Variants in NECAB2 observed in about 807,000 individuals in gnomAD.
The protein encoded by NECAB2 is N-terminal EF-hand calcium binding protein 2, also known as N-terminal EF-hand calcium-binding protein 2.
Under a neutral mutation model 51.9 loss-of-function variants are expected in NECAB2, and 68 were observed. The ratio of observed to expected loss-of-function variants is 1.31; its 90% CI spans 1.08 to 1.60. NECAB2 has a LOEUF of 1.60. Among genes scored for constraint, NECAB2 ranks in the 40% most tolerant of loss-of-function variants. The probability of loss-of-function intolerance (pLI) is 0.00; values close to 1 mark genes in which losing one functional copy is unlikely to be tolerated. For missense variants in NECAB2, 854 were observed against 490.3 expected, an observed-to-expected ratio of 1.74 and a Z score of -7.00; for synonymous variants, 329 against 203.5, an observed-to-expected ratio of 1.62 and a Z score of -5.25.
At chr16:83,983,264 G>A (rs182658457) in intron 5 of NECAB2, among the ~76,000 whole-genome samples, 91 of 152,268 alleles carry the variant, frequency 6.0e-4, no homozygotes, top group Admixed American at 5.5e-3. Context: ...GTTTGCTTTC[G>A]TCAAGCCGCA....
intron 6 of NECAB2, chr16:83,993,466 C>T (rs1597218685): frequency 6.5e-6 from 1 of 154,134 alleles, no homozygotes; most frequent in South Asian, 2.0e-4. Context: ...GGTGTTGGGG[C>T]CGTGCACAGG....
At chr16:83,999,088 G>A (rs763682162) in intron 10 of NECAB2, among the ~76,000 whole-genome samples, 22 of 152,214 alleles carry the variant, frequency 1.4e-4, no homozygotes, top group Non-Finnish European at 2.2e-4. Context: ...TGTGAACCAG[G>A]CAGGCCAGGT....
intron 2 of NECAB2, among the ~76,000 whole-genome samples, chr16:83,973,388 T>A (rs1245916135): frequency 6.6e-6 from 1 of 152,138 alleles, no homozygotes; most frequent in African/African-American, 2.4e-5. Context: ...AGGCCTGGGC[T>A]GGAATCAGTT....
intron 3 of NECAB2, among the ~76,000 whole-genome samples, chr16:83,980,269 C>T (rs1208447165): frequency 1.3e-5 from 2 of 152,202 alleles, no homozygotes; most frequent in Non-Finnish European, 2.9e-5. Context: ...AGCACTGCAC[C>T]CCTTATCTTG....
intron 10 of NECAB2, among the ~76,000 whole-genome samples, chr16:83,998,742 T>G (rs35603484): frequency 1.3e-5 from 2 of 152,102 alleles, no homozygotes; most frequent in Non-Finnish European, 2.9e-5. Flanking sequence ...AGTTAACCAC[T>G]GAGGAAGGAG....
At chr16:83,987,741 T>C (rs1009507896) in intron 5 of NECAB2, among the ~76,000 whole-genome samples, 3 of 152,340 alleles carry the variant, frequency 2.0e-5, no homozygotes, top group Non-Finnish European at 4.4e-5. Flanking sequence ...TATTACATAG[T>C]TAATACCTTG....
chr16:83,995,492 G>A (rs902873503), intron 8 of NECAB2, among the ~76,000 whole-genome samples: 7 of 152,240 alleles, frequency 4.6e-5, no homozygotes, highest in African/African-American at 1.7e-4. Context: ...GCTGTAGCTT[G>A]CATTTAATAT....
intron 10 of NECAB2, among the ~76,000 whole-genome samples, chr16:84,000,053 GTTTTATTTTTTTT>G (rs1285555568): frequency 8.1e-6 from 1 of 123,760 alleles, no homozygotes; most frequent in African/African-American, 6.1e-5. Context: ...GGCCCAGCAA[GTTTTATTTTTTTT>G]TTTTTTAAAG....
chr16:83,968,154 G>T (rs2084308790), upstream of NECAB2, among the ~76,000 whole-genome samples: 1 of 151,560 alleles, frequency 6.6e-6, no homozygotes. Flanking sequence ...GCGCCCGCGG[G>T]CGTGACGGGG....
upstream of NECAB2, chr16:83,966,389 C>A: frequency 4.1e-6 from 1 of 244,182 alleles, no homozygotes; most frequent in East Asian, 8.8e-5. Context: ...GAACCCTGCA[C>A]TGGGCTGGGG....
chr16:83,973,539 G>A (rs989772049), intron 2 of NECAB2, among the ~76,000 whole-genome samples: 1 of 152,200 alleles, frequency 6.6e-6, no homozygotes, highest in Non-Finnish European at 1.5e-5. Context: ...AGATGAAGTG[G>A]CTCTGGAAAA....
At chr16:83,998,013 A>T (rs945709264) in intron 9 of NECAB2, among the ~76,000 whole-genome samples, 192 bp from the exon 10 acceptor site, 9 of 152,128 alleles carry the variant, frequency 5.9e-5, no homozygotes, top group African/African-American at 2.2e-4. Flanking sequence ...CTACTTCTGC[A>T]CTGGGCTCTT....
chr16:83,992,386 C>CCG (rs201988781), intron 6 of NECAB2, among the ~76,000 whole-genome samples: 2,159 of 148,768 alleles, frequency 0.015, 92 homozygotes, highest in African/African-American at 0.053. Flanking sequence ...GTCCCCCCGC[C>CCG]CACCTCCATT....
At chr16:83,966,373 T>G, upstream of NECAB2, 5 of 259,344 alleles carry the variant, frequency 1.9e-5, no homozygotes, top group East Asian at 7.9e-5. Flanking sequence ...GGGAGCTGCG[T>G]TCCCGGAACC....
intron 10 of NECAB2, among the ~76,000 whole-genome samples, 181 bp from the exon 11 acceptor site, chr16:84,000,543 G>A (rs2084809157): frequency 6.6e-6 from 1 of 152,186 alleles, no homozygotes. Flanking sequence ...ACTATAAGAA[G>A]CCAGGCCTTA....
Position 83,997,075 on chromosome 16 carries a change from C to T in NECAB2, c.796-141C>T, listed in dbSNP as rs547299078. On this transcript the variant is annotated intron_variant, in intron 8 of 12. Transcript: ENST00000305202. ...AGGCCAGAGGGAGTCTCTGCCACTTCCTAGCGTTGGTCTCCCAGCCCTGTG... is the reference window on the plus strand; with the variant it reads ...AGGCCAGAGGGAGTCTCTGCCACTTTCTAGCGTTGGTCTCCCAGCCCTGTG... 122 of 838,952 alleles carry T rather than the reference C, an allele frequency of 1.5e-4. No individual in the cohort carries two copies. The African/African-American group carries it at 1.7e-3, about 12-fold the overall frequency. 52.0% of individuals were successfully genotyped at this position (838,952 alleles called of 1,614,324 possible). A position where few individuals can be genotyped will look rare whatever the true frequency, so the allele number is the denominator to read the frequency against.
Position 83,990,488 on chromosome 16 carries a change from C to T in NECAB2, c.460-6C>T, listed in dbSNP as rs1355244535. On this transcript the variant is annotated splice_polypyrimidine_tract_variant and splice_region_variant and intron_variant, in intron 5 of 12. Transcript: ENST00000305202. ...CCCCTCAGTGCCTCTTCTCTTCCTT[C>T]CACAGGTATATGAGGGTGGGAGCAA... is the stretch of plus-strand genomic sequence containing the variant. 1.9e-6 allele frequency: 3 copies of T among 1,614,018 alleles called. No individual in the cohort carries two copies. The highest frequency in any genetic ancestry group is 2.2e-5 in the East Asian group (1 of 44,856).
chr16:83,999,345 C>A (rs187502462), intron 10 of NECAB2, among the ~76,000 whole-genome samples: 2 of 152,156 alleles, frequency 1.3e-5, no homozygotes, highest in African/African-American at 4.8e-5. Flanking sequence ...TTTTCCATTA[C>A]GTGAATAAGT....
At chr16:84,001,007 C>G (rs946353930) in intron 11 of NECAB2, among the ~76,000 whole-genome samples, 1 of 152,034 alleles carries the variant, frequency 6.6e-6, no homozygotes, top group Non-Finnish European at 1.5e-5. Context: ...CCACCACACT[C>G]AGCTGGGCTT....
Sources: gnomAD v4.1 joint callset for allele counts (sites outside exome capture counted in the v4.1 genomes callset) on GRCh38, gnomAD v4.1.1 for gene constraint, MANE v1.5 for transcripts, NCBI Gene and HGNC (gene_info 2026-07-23, HGNC 2026-07-21) for gene names.